The following RBFOX1 variants were observed in gnomAD, a reference collection of about 807,000 sequenced individuals.
The protein encoded by RBFOX1 is RNA binding protein fox-1 homolog 1.
A neutral mutation model predicts 57.7 loss-of-function variants in RBFOX1; 8 were observed. The ratio of observed to expected loss-of-function variants is 0.14; its 90% CI spans 0.08 to 0.25. The LOEUF is 0.25. RBFOX1 is among the 10% of genes least tolerant of loss of function. The probability of loss-of-function intolerance (pLI) is 1.00; values close to 1 mark genes in which losing one functional copy is unlikely to be tolerated. For synonymous variants in RBFOX1, 326 were observed against 222.4 expected (o/e 1.47, Z -4.15); for missense variants, 611 against 548.5 (o/e 1.11, Z -1.14).
chr16:5,790,859 A>ATT (rs1157751312), intron 3 of RBFOX1, among the ~76,000 whole-genome samples: 4 of 112,954 alleles, frequency 3.5e-5, no homozygotes, highest in African/African-American at 6.8e-5. Context: ...GTGGGTCTTT[A>ATT]TTTTTTTTTT....
chr16:6,850,558 C>T (rs747366286), intron 3 of RBFOX1, among the ~76,000 whole-genome samples: 1 of 152,140 alleles, frequency 6.6e-6, no homozygotes, highest in African/African-American at 2.4e-5. Flanking sequence ...ACCCACACAG[C>T]TAAGATTATA....
intron 2 of RBFOX1, among the ~76,000 whole-genome samples, chr16:5,575,854 A>AG (rs78287263): frequency 6.6e-6 from 1 of 151,876 alleles, no homozygotes; most frequent in African/African-American, 2.4e-5. Flanking sequence ...CTCATTCAAA[A>AG]AAAAAATAGC....
intron 2 of RBFOX1, among the ~76,000 whole-genome samples, chr16:5,562,200 T>C (rs1003167643): frequency 1.3e-5 from 2 of 152,172 alleles, no homozygotes; most frequent in Non-Finnish European, 2.9e-5. Context: ...TTCTGCTCCA[T>C]CCAAGTTTAT....
At chr16:5,554,876 A>G (rs1162877024) in intron 2 of RBFOX1, among the ~76,000 whole-genome samples, 1 of 152,188 alleles carries the variant, frequency 6.6e-6, no homozygotes, top group Non-Finnish European at 1.5e-5. Flanking sequence ...TGTCACGGGC[A>G]GTGGTACAAC....
chr16:5,903,324 G>A (rs1031617596), intron 4 of RBFOX1, among the ~76,000 whole-genome samples: 4 of 152,142 alleles, frequency 2.6e-5, no homozygotes, highest in Non-Finnish European at 5.9e-5. Flanking sequence ...GCATGCTCCA[G>A]TATCAACCTG....
At chr16:6,815,669 A>G (rs1054354768) in intron 3 of RBFOX1, among the ~76,000 whole-genome samples, 7 of 152,200 alleles carry the variant, frequency 4.6e-5, no homozygotes, top group African/African-American at 1.7e-4. Flanking sequence ...TACCAGGGCC[A>G]GGATTCAAAC....
chr16:7,176,855 AAGAC>A (rs1255987895), intron 4 of RBFOX1, among the ~76,000 whole-genome samples: 2 of 152,234 alleles, frequency 1.3e-5, no homozygotes, highest in Non-Finnish European at 2.9e-5. Context: ...ACAGAAATGT[AAGAC>A]AGAGAGAAAG....
chr16:6,193,636 G>A (rs1365422987), intron 1 of RBFOX1, among the ~76,000 whole-genome samples: 1 of 151,666 alleles, frequency 6.6e-6, no homozygotes, highest in East Asian at 1.9e-4. Flanking sequence ...AGTGACTTGG[G>A]CAGCAGTGAG....
At chr16:7,459,084 G>C (rs1013431582) in intron 4 of RBFOX1, among the ~76,000 whole-genome samples, 1 of 152,154 alleles carries the variant, frequency 6.6e-6, no homozygotes, top group Non-Finnish European at 1.5e-5. Flanking sequence ...GTGAGTGGAT[G>C]GATGGATGAT....
chr16:6,284,809 G>A (rs934841014), intron 1 of RBFOX1, among the ~76,000 whole-genome samples: 2 of 152,086 alleles, frequency 1.3e-5, no homozygotes, highest in Admixed American at 6.6e-5. Context: ...TGTCTTAGAG[G>A]TATTGTGACT....
intron 3 of RBFOX1, among the ~76,000 whole-genome samples, chr16:5,715,717 T>A (rs1241966449): frequency 1.3e-5 from 2 of 152,122 alleles, no homozygotes; most frequent in African/African-American, 4.8e-5. Context: ...TGTGCTGAGG[T>A]TGGGGGCAGC....
intron 4 of RBFOX1, among the ~76,000 whole-genome samples, chr16:5,931,445 G>T (rs1046877010): frequency 2.0e-5 from 3 of 152,158 alleles, no homozygotes; most frequent in Non-Finnish European, 4.4e-5. Context: ...TGACAGGAGA[G>T]GAAGATCAGG....
intron 3 of RBFOX1, among the ~76,000 whole-genome samples, chr16:6,903,145 T>G (rs553644961): frequency 2.0e-5 from 3 of 152,096 alleles, no homozygotes; most frequent in Non-Finnish European, 4.4e-5. Flanking sequence ...TGACTTCACT[T>G]GTTGAAGAAG....
At chr16:6,080,337 C>T (rs1239319482) in intron 1 of RBFOX1, among the ~76,000 whole-genome samples, 1 of 152,092 alleles carries the variant, frequency 6.6e-6, no homozygotes, top group Non-Finnish European at 1.5e-5. Context: ...GTATCTCTGA[C>T]CTTCAGGGTT....
intron 2 of RBFOX1, among the ~76,000 whole-genome samples, chr16:6,540,343 G>T (rs748100095): frequency 2.0e-5 from 3 of 151,576 alleles, no homozygotes; most frequent in Non-Finnish European, 2.9e-5. Context: ...GCCTAGCGTG[G>T]TGGCTCACAC....
At chr16:7,051,083 T>C (rs562876090) in intron 3 of RBFOX1, among the ~76,000 whole-genome samples, 38 of 152,288 alleles carry the variant, frequency 2.5e-4, no homozygotes, top group African/African-American at 8.9e-4. Flanking sequence ...AAACTTACAG[T>C]ATATTGTCTG....
intron 13 of RBFOX1, among the ~76,000 whole-genome samples, chr16:7,672,529 A>G (rs1238857102): frequency 6.6e-6 from 1 of 152,144 alleles, no homozygotes; most frequent in South Asian, 2.1e-4. Flanking sequence ...TCACTGTCAC[A>G]TTTCAAGAGA....
intron 2 of RBFOX1, among the ~76,000 whole-genome samples, chr16:6,375,973 G>A (rs1299919336): frequency 1.3e-5 from 2 of 152,118 alleles, no homozygotes; most frequent in Non-Finnish European, 2.9e-5. Flanking sequence ...TCACCCTGCT[G>A]CCTCCAGCTC....
intron 2 of RBFOX1, among the ~76,000 whole-genome samples, chr16:6,526,573 G>A (rs1214083563): frequency 6.6e-6 from 1 of 152,014 alleles, no homozygotes; most frequent in East Asian, 1.9e-4. Context: ...GCTCATGCCT[G>A]TAATCCCAGC....
Sources: allele counts gnomAD v4.1 joint callset (sites outside exome capture counted in the v4.1 genomes callset), GRCh38; gene constraint gnomAD v4.1.1; transcripts MANE v1.5; gene names NCBI Gene and HGNC (gene_info 2026-07-23, HGNC 2026-07-21).